Variants in PITPNC1 observed in about 807,000 individuals in gnomAD.
PITPNC1 encodes the protein cytoplasmic phosphatidylinositol transfer protein 1.
PITPNC1 carries 18 observed loss-of-function variants against 44.7 expected under a neutral mutation model. The observed-to-expected ratio is 0.40, with a 90% confidence interval of 0.28 to 0.60. PITPNC1 has a LOEUF of 0.60. PITPNC1 is among the 20% of genes least tolerant of loss of function. PITPNC1 has a pLI of 0.39. For synonymous variants in PITPNC1, 141 were observed against 149.6 expected (o/e 0.94, Z 0.42); for missense variants, 290 against 418.4 (o/e 0.69, Z 2.68).
intron 1 of PITPNC1, among the ~76,000 whole-genome samples, chr17:67,432,271 C>T (rs111378805): frequency 0.09 from 13,682 of 152,152 alleles, 664 homozygotes; most frequent in East Asian, 0.16. Flanking sequence ...AGGTGGATCA[C>T]GAGGTCAGGA....
chr17:67,403,730 C>A (rs1021722343), intron 1 of PITPNC1, among the ~76,000 whole-genome samples: 2 of 152,074 alleles, frequency 1.3e-5, no homozygotes, highest in Non-Finnish European at 2.9e-5. Flanking sequence ...TGGGTGTAAA[C>A]CCTGGGCTTG....
rs1208926460 is a variant in PITPNC1, at chr17:67,599,201, A to AT, written c.366+20950dup. The stretch of plus-strand genomic sequence containing the variant: ...GTTCACACACTACCCAGTTTATGGC[A>AT]TTTTTTAATAGCAGCCCAAACAGAC... On this transcript the variant is annotated intron_variant, in intron 5 of 8. Coordinates refer to ENST00000581322, the MANE Select transcript of PITPNC1 (RefSeq NM_012417.4). Among the ~76,000 whole-genome samples the AT allele has an allele frequency of 2.6e-5, 4 of 151,304 alleles. No homozygotes were observed. In the East Asian group the frequency reaches 5.8e-4, roughly 22 times the overall value.
At chr17:67,561,931 G>C (rs570719593) in intron 4 of PITPNC1, among the ~76,000 whole-genome samples, 31 of 152,220 alleles carry the variant, frequency 2.0e-4, no homozygotes, top group African/African-American at 6.7e-4. Context: ...CTTTTTATTT[G>C]ATGTGGTCTC....
intron 1 of PITPNC1, among the ~76,000 whole-genome samples, chr17:67,381,134 TGG>T: frequency 6.6e-6 from 1 of 151,118 alleles, no homozygotes; most frequent in South Asian, 2.1e-4. Context: ...GAGACCATCC[TGG>T]CTAACACAGT....
At chr17:67,454,251 C>CA (rs71293569) in intron 1 of PITPNC1, among the ~76,000 whole-genome samples, 41,494 of 132,494 alleles carry the variant, frequency 0.31, 6,052 homozygotes, top group African/African-American at 0.38. Flanking sequence ...ACTCCGTTCT[C>CA]AAAAAAAAAA....
At chr17:67,428,473 G>A (rs900960522) in intron 1 of PITPNC1, among the ~76,000 whole-genome samples, 11 of 151,548 alleles carry the variant, frequency 7.3e-5, no homozygotes, top group African/African-American at 2.7e-4. Flanking sequence ...CCAGGAGGAT[G>A]AGGCTGCAGA....
rs535580781 is a variant in PITPNC1, at chr17:67,685,719, G to A, written c.683-6853G>A. Among the ~76,000 whole-genome samples, 34 of 152,286 alleles carry A rather than the reference G, an allele frequency of 2.2e-4. No homozygotes were observed. In the South Asian group the frequency reaches 5.8e-3, roughly 26 times the overall value. On this transcript the variant is annotated intron_variant, in intron 8 of 8. Transcript: ENST00000581322. Reference sequence around the variant, plus strand: ...TAAAATGTAAAATAACCAAGGAGCCGGGTAGGGGTGGGGGTAAAATGACAG... The same window carrying A: ...TAAAATGTAAAATAACCAAGGAGCCAGGTAGGGGTGGGGGTAAAATGACAG...
Position 67,597,550 on chromosome 17 carries a change from T to C in PITPNC1, c.366+19293T>C, listed in dbSNP as rs561970017. Among the ~76,000 whole-genome samples, 1 of 152,160 alleles carries C rather than the reference T, an allele frequency of 6.6e-6. No individual in the cohort carries two copies. Among genetic ancestry groups the C allele is most frequent in the African/African-American group, 2.4e-5 (1 of 41,522 alleles). On this transcript the variant is annotated intron_variant, in intron 5 of 8. Coordinates refer to ENST00000581322, the MANE Select transcript of PITPNC1 (RefSeq NM_012417.4). The surrounding 1 kb of genome is among the most constrained non-coding windows in gnomAD (Gnocchi z 4.0). Reference sequence around the variant, plus strand: ...GCCTAGGCGACAGAGTGATTGAGACTCCATCTCAACAAAAAAAGGAAAGAA... The same window carrying C: ...GCCTAGGCGACAGAGTGATTGAGACCCCATCTCAACAAAAAAAGGAAAGAA...
intron 5 of PITPNC1, among the ~76,000 whole-genome samples, chr17:67,604,899 A>G (rs191300844): frequency 6.2e-4 from 94 of 152,034 alleles, no homozygotes; most frequent in African/African-American, 2.0e-3. Flanking sequence ...GGCCAACATC[A>G]TGAAGCCCCA....
intron 5 of PITPNC1, among the ~76,000 whole-genome samples, chr17:67,610,828 G>A (rs1328575864): frequency 1.3e-5 from 2 of 151,798 alleles, no homozygotes; most frequent in Middle Eastern, 3.4e-3. Context: ...GGCTGAGGCA[G>A]GAGAATCGTT....
intron 1 of PITPNC1, among the ~76,000 whole-genome samples, chr17:67,519,331 C>A (rs2040298040): frequency 6.6e-6 from 1 of 151,962 alleles, no homozygotes; most frequent in Non-Finnish European, 1.5e-5. Context: ...CGTGCACCAC[C>A]ACACCTGGCT....
At chr17:67,479,228 A>G (rs1270825484) in intron 1 of PITPNC1, among the ~76,000 whole-genome samples, 1 of 152,006 alleles carries the variant, frequency 6.6e-6, no homozygotes, top group Admixed American at 6.6e-5. Context: ...TGCTTTGTTA[A>G]CTCTTTAACA....
intron 1 of PITPNC1, among the ~76,000 whole-genome samples, chr17:67,443,367 G>T (rs530368846): frequency 6.6e-6 from 1 of 151,652 alleles, no homozygotes; most frequent in Non-Finnish European, 1.5e-5. Flanking sequence ...TCGCAAGCAG[G>T]CTTCTTTGTT....
intron 2 of PITPNC1, among the ~76,000 whole-genome samples, chr17:67,546,701 C>T (rs2040688800): frequency 6.6e-6 from 1 of 152,186 alleles, no homozygotes; most frequent in South Asian, 2.1e-4. Flanking sequence ...CACAAACTGT[C>T]TTGTTAAGCA....
At chr17:67,610,527 G>A (rs1016063029) in intron 5 of PITPNC1, among the ~76,000 whole-genome samples, 1 of 152,008 alleles carries the variant, frequency 6.6e-6, no homozygotes, top group African/African-American at 2.4e-5. Context: ...GCGTGGTGCC[G>A]GCACACATCA....
At chr17:67,532,748 A>G (rs1455916694) in intron 1 of PITPNC1, 54 bp from the exon 2 acceptor site, 6 of 1,424,958 alleles carry the variant, frequency 4.2e-6, no homozygotes, top group Non-Finnish European at 2.8e-6. Flanking sequence ...TTGGAGGGGG[A>G]TGTCAGGGGC....
intron 6 of PITPNC1, among the ~76,000 whole-genome samples, chr17:67,644,714 T>C (rs748499958): frequency 1.2e-4 from 18 of 152,044 alleles, no homozygotes; most frequent in Non-Finnish European, 2.5e-4. Flanking sequence ...CGTGAGCCAA[T>C]GCACCTGGCC....
chr17:67,550,799 C>A (rs896866419), intron 2 of PITPNC1, among the ~76,000 whole-genome samples: 7 of 152,188 alleles, frequency 4.6e-5, no homozygotes, highest in Admixed American at 1.3e-4. Context: ...CAGTCGCTCA[C>A]ACCTGTAATC....
At chr17:67,564,549 A>G (rs955536573) in intron 4 of PITPNC1, among the ~76,000 whole-genome samples, 2 of 152,196 alleles carry the variant, frequency 1.3e-5, no homozygotes, top group African/African-American at 2.4e-5. Flanking sequence ...ACCAACTCAC[A>G]TGACAGTCTC....
Sources: allele counts gnomAD v4.1 joint callset (sites outside exome capture counted in the v4.1 genomes callset), GRCh38; gene constraint gnomAD v4.1.1; non-coding constraint Gnocchi (gnomAD v3.1); transcripts MANE v1.5; gene names NCBI Gene and HGNC (gene_info 2026-07-23, HGNC 2026-07-21).